Variants in EML5 observed in about 807,000 individuals in gnomAD.
EML5 encodes the protein echinoderm microtubule-associated protein-like 5.
A neutral mutation model predicts 250.0 loss-of-function variants in EML5; 120 were observed. That is an observed-to-expected ratio of 0.48 (90% confidence interval 0.41 to 0.56). EML5 has a LOEUF of 0.56. EML5 is among the 20% of genes least tolerant of loss of function. The probability of loss-of-function intolerance (pLI) is 0.00; values close to 1 mark genes in which losing one functional copy is unlikely to be tolerated. For synonymous variants in EML5, 771 were observed against 806.5 expected, an observed-to-expected ratio of 0.96 and a Z score of 0.75; for missense variants, 2,006 against 2,437.6, an observed-to-expected ratio of 0.82 and a Z score of 3.73.
At chr14:88,635,686 A>G in intron 32 of EML5, among the ~76,000 whole-genome samples, 1 of 152,182 alleles carries the variant, frequency 6.6e-6, no homozygotes, top group East Asian at 1.9e-4. Flanking sequence ...ATTCTCTTCC[A>G]TCCCACACCA....
chr14:88,705,606 G>C lies in EML5; in HGVS notation c.1826-18C>G, dbSNP rs764442011. On this transcript the variant is annotated intron_variant, in intron 11 of 43. Transcript: ENST00000554922. Reference sequence around the variant, plus strand: ...CAGACTTTCTGTAATTTTTAAAAATGAAATGTTACTTGTTTAAAGAAGATT... The same window carrying C: ...CAGACTTTCTGTAATTTTTAAAAATCAAATGTTACTTGTTTAAAGAAGATT... The C allele has an allele frequency of 1.7e-5, 26 of 1,518,926 alleles. 1 individual carries two copies. The highest frequency in any genetic ancestry group is 6.0e-5 in the South Asian group (5 of 83,584). The allele number at this position is 1,518,926 out of a possible 1,614,324, so 94.1% of individuals were successfully genotyped here. A position where few individuals can be genotyped will look rare whatever the true frequency, so the allele number is the denominator to read the frequency against.
intron 7 of EML5, among the ~76,000 whole-genome samples, chr14:88,732,694 A>T (rs2093779722): frequency 6.6e-6 from 1 of 152,220 alleles, no homozygotes; most frequent in South Asian, 2.1e-4. Flanking sequence ...CCAGATACAG[A>T]AGCAGAAAAT....
At chr14:88,787,456 A>G (rs970530600) in intron 1 of EML5, among the ~76,000 whole-genome samples, 2 of 152,212 alleles carry the variant, frequency 1.3e-5, no homozygotes, top group African/African-American at 4.8e-5. Flanking sequence ...AACATGTTTT[A>G]TTAATTGTCT....
chr14:88,638,144 T>C (rs1011069317), intron 32 of EML5, among the ~76,000 whole-genome samples: 5 of 152,218 alleles, frequency 3.3e-5, no homozygotes, highest in African/African-American at 4.8e-5. Flanking sequence ...GTATTGAAGT[T>C]TATGAAACTT....
intron 27 of EML5, among the ~76,000 whole-genome samples, chr14:88,652,356 G>A (rs141729197): frequency 1.6e-4 from 24 of 152,210 alleles, no homozygotes; most frequent in Admixed American, 3.9e-4. Flanking sequence ...CCCTGGCAAC[G>A]CGGGGGTCAG....
Position 88,706,365 on chromosome 14 carries a change from A to G in EML5, c.1719T>C (p.His573=), listed in dbSNP as rs753581487. 1 of 1,610,050 alleles carries G rather than the reference A, an allele frequency of 6.2e-7. No individual in the cohort carries two copies. The highest frequency in any genetic ancestry group is 1.1e-5 in the South Asian group (1 of 90,100). The part of the protein sequence containing the change: ...SAHVTNVRWS[H]DYQWVISIGG... Reference sequence around the variant, plus strand: ...CAATAGAAATAACCCACTGATAATCATGTGACCATCTGACATTAGTTACGT... The same window carrying G: ...CAATAGAAATAACCCACTGATAATCGTGTGACCATCTGACATTAGTTACGT... The change falls in exon 11 of 44, where the codon CAT becomes CAC. Residue 573 remains histidine (H), a synonymous_variant. Transcript: ENST00000554922.
Position 88,627,731 on chromosome 14 carries a change from T to C in EML5, c.4446A>G (p.Ser1482=). 1 of 1,613,352 alleles carries C rather than the reference T, an allele frequency of 6.2e-7. No individual in the cohort carries two copies. Among genetic ancestry groups the C allele is most frequent in the Non-Finnish European group, 8.5e-7 (1 of 1,179,612 alleles). The change falls in exon 34 of 44, where the codon TCA becomes TCG. Residue 1482 remains serine (S), a synonymous_variant. Coordinates refer to ENST00000554922, the MANE Select transcript of EML5 (RefSeq NM_183387.3). Reference sequence around the variant, plus strand: ...GTTTGCCAGTAGCACTGAAGCTGACTGAACATACTCCCTTTGAATGGTAGC... The same window carrying C: ...GTTTGCCAGTAGCACTGAAGCTGACCGAACATACTCCCTTTGAATGGTAGC... ...LRCYHSKGVC[S]VSFSATGKLL...
chr14:88,676,914 A>AT (rs1272863327), intron 21 of EML5, among the ~76,000 whole-genome samples: 1 of 151,978 alleles, frequency 6.6e-6, no homozygotes, highest in Non-Finnish European at 1.5e-5. Context: ...GTTTGTTTGT[A>AT]TTTTTTCTGA....
At chr14:88,755,596 T>C (rs1595787524) in intron 1 of EML5, among the ~76,000 whole-genome samples, 2 of 152,180 alleles carry the variant, frequency 1.3e-5, no homozygotes, top group East Asian at 3.8e-4. Flanking sequence ...ATTTTTTCTA[T>C]ATGTCAATTT....
At chr14:88,621,463 A>G (rs2088918631) in intron 37 of EML5, 162 bp from the exon 38 acceptor site, 1 of 675,634 alleles carries the variant, frequency 1.5e-6, no homozygotes, top group Non-Finnish European at 2.6e-6. Context: ...TTCTATGACT[A>G]CAGGCACACA....
chr14:88,720,606 T>C (rs1331570109), intron 8 of EML5, among the ~76,000 whole-genome samples: 1 of 152,110 alleles, frequency 6.6e-6, no homozygotes, highest in Non-Finnish European at 1.5e-5. Flanking sequence ...CTCAATAAAC[T>C]AGATATTGAA....
chr14:88,618,893 G>C, intron 39 of EML5, 81 bp from the exon 40 acceptor site: 1 of 1,401,654 alleles, frequency 7.1e-7, no homozygotes, highest in Non-Finnish European at 9.5e-7. Flanking sequence ...TTCCTTTCTA[G>C]TTCTTAAAAG....
At chr14:88,617,124 T>A (rs1197498816) in intron 41 of EML5, 1 of 328,928 alleles carries the variant, frequency 3.0e-6, no homozygotes, top group Non-Finnish European at 5.5e-6. Context: ...AGTAGTACTT[T>A]ATGAAAACTG....
Position 88,719,121 on chromosome 14 carries a change from C to G in EML5, c.1188-3926G>C, listed in dbSNP as rs186782827. ...GACAATTTGACTAGGCATGGTGGCT[C>G]GTGCCTGTAATCCCAGCACTTTCAG... On this transcript the variant is annotated intron_variant, in intron 8 of 43. Transcript: ENST00000554922. Among the ~76,000 whole-genome samples, 62 of 152,114 alleles carry G rather than the reference C, an allele frequency of 4.1e-4. 1 individual carries two copies. The East Asian group carries it at 0.01, about 25-fold the overall frequency.
intron 7 of EML5, among the ~76,000 whole-genome samples, chr14:88,731,840 T>C (rs1057515002): frequency 7.2e-5 from 11 of 152,364 alleles, no homozygotes; most frequent in Non-Finnish European, 1.3e-4. Context: ...CATTTTTTCA[T>C]GTGTCTGTTG....
rs910678383 is a variant in EML5 at position 88,615,865 on chromosome 14, A to G, written c.5898-11T>C. The G allele has an allele frequency of 1.7e-5, 27 of 1,609,858 alleles. No homozygotes were observed. In the Admixed American group the frequency reaches 3.4e-4, roughly 20 times the overall value. ...TTCCAGACAAATAAGCTGCAATCAG[A>G]GAAGAAAATTGCAGGGAGTTAATTA... On this transcript the variant is annotated splice_polypyrimidine_tract_variant and intron_variant, in intron 43 of 43. Coordinates refer to ENST00000554922, the MANE Select transcript of EML5 (RefSeq NM_183387.3).
At position 88,646,945 on chromosome 14, in the gene EML5, AC is replaced by A. The variant is rs754139411; in HGVS notation, c.4028+1del. Reference sequence around the variant, plus strand: ...TTGTAAACACAGCAAAGAGAGGATTACCTGGAACCTCTTTTCAGCAGCAGAT... The same window carrying A: ...TTGTAAACACAGCAAAGAGAGGATTACTGGAACCTCTTTTCAGCAGCAGAT... On this transcript the variant is annotated splice_donor_variant, in intron 29 of 43. Coordinates refer to ENST00000554922, the MANE Select transcript of EML5 (RefSeq NM_183387.3). LOFTEE classifies it high-confidence loss of function. The A allele has an allele frequency of 1.9e-6, 3 of 1,593,136 alleles. No individual in the cohort carries two copies. Among genetic ancestry groups the A allele is most frequent in the Admixed American group, 1.7e-5 (1 of 58,348 alleles).
At chr14:88,652,912 G>A (rs1303305836) in intron 27 of EML5, among the ~76,000 whole-genome samples, 1 of 152,090 alleles carries the variant, frequency 6.6e-6, no homozygotes, top group Non-Finnish European at 1.5e-5. Flanking sequence ...TCACGATATT[G>A]ATTTTTTCCT....
chr14:88,711,713 G>A (rs1027832892), intron 10 of EML5, among the ~76,000 whole-genome samples: 12 of 152,118 alleles, frequency 7.9e-5, no homozygotes, highest in Non-Finnish European at 1.3e-4. Context: ...GGAGGCTGAC[G>A]TGGGGAGATC....
Sources: gnomAD v4.1 joint callset for allele counts (sites outside exome capture counted in the v4.1 genomes callset) on GRCh38, gnomAD v4.1.1 for gene constraint, MANE v1.5 for transcripts, NCBI Gene and HGNC (gene_info 2026-07-23, HGNC 2026-07-21) for gene names.